PTPRQ: variants seen among roughly 807,000 people sequenced by gnomAD.
PTPRQ encodes the protein protein tyrosine phosphatase receptor type Q.
Under a neutral mutation model 246.0 loss-of-function variants are expected in PTPRQ, and 199 were observed. The observed-to-expected ratio is 0.81, with a 90% CI of 0.72 to 0.91. The LOEUF (loss-of-function observed/expected upper bound fraction) is 0.91, where lower values mean the gene tolerates loss of function less well. Among genes scored for constraint, PTPRQ ranks in the 40% least tolerant of loss-of-function variants. The pLI is 0.00. For missense variants in PTPRQ, 2,624 were observed against 2,528.4 expected, an observed-to-expected ratio of 1.04 and a Z score of -0.81; for synonymous variants, 869 against 853.2, an observed-to-expected ratio of 1.02 and a Z score of -0.32.
At chr12:80,537,597 A>T (rs1357903166) in intron 19 of PTPRQ, among the ~76,000 whole-genome samples, 1 of 152,232 alleles carries the variant, frequency 6.6e-6, no homozygotes, top group Middle Eastern at 3.2e-3. Flanking sequence ...CTTTTAGTAC[A>T]TAGTCATAAT....
intron 33 of PTPRQ, among the ~76,000 whole-genome samples, chr12:80,623,807 C>T (rs867839833): frequency 1.3e-5 from 2 of 152,178 alleles, no homozygotes; most frequent in South Asian, 4.1e-4. Flanking sequence ...AAAGTTGAGA[C>T]ATTCAGGGTA....
intron 25 of PTPRQ, among the ~76,000 whole-genome samples, chr12:80,570,771 AG>A (rs1897123434): frequency 6.6e-6 from 1 of 152,182 alleles, no homozygotes; most frequent in African/African-American, 2.4e-5. Flanking sequence ...ATAAGGTGTA[AG>A]GAAGGGGTCC....
In PTPRQ at chr12:80,593,646, T is replaced by A. The variant is rs551680535; in HGVS notation, c.4609+5194T>A. The A allele has an allele frequency of 5.1e-4, 77 of 152,266 alleles. 1 individual carries two copies. The highest frequency in any genetic ancestry group is 1.8e-3 in the African/African-American group (75 of 41,556). The allele number at this position is 152,266 out of a possible 1,614,324, so 9.4% of individuals were successfully genotyped here. ...GATACAAATATAAGCATAAAAATTTTAAAAAATGGCAGAAATATTTACCTT... is the reference window on the plus strand; with the variant it reads ...GATACAAATATAAGCATAAAAATTTAAAAAAATGGCAGAAATATTTACCTT... On this transcript the variant is annotated intron_variant, in intron 26 of 44. Coordinates refer to ENST00000644991, the MANE Select transcript of PTPRQ (RefSeq NM_001145026.2).
intron 35 of PTPRQ, among the ~76,000 whole-genome samples, chr12:80,647,942 G>C (rs1163026): frequency 0.1 from 15,794 of 151,912 alleles, 1,234 homozygotes; most frequent in African/African-American, 0.21. Flanking sequence ...GTAATACCTG[G>C]TCCAGCATCC....
At chr12:80,616,154 C>G in intron 29 of PTPRQ, 46 bp from the exon 30 acceptor site, 2 of 1,372,738 alleles carry the variant, frequency 1.5e-6, no homozygotes, top group Non-Finnish European at 1.9e-6. Context: ...CACACACATA[C>G]ATAAGCAATC....
At chr12:80,652,670 A>T (rs1900294110) in intron 37 of PTPRQ, 74 bp from the exon 38 acceptor site, 1 of 1,382,294 alleles carries the variant, frequency 7.2e-7, no homozygotes, top group East Asian at 2.9e-5. Flanking sequence ...TAGGACAAAT[A>T]ACTGTCTTTT....
rs557786646 is a variant in PTPRQ, at chr12:80,586,927, T to C, written c.4286-1202T>C. Among the ~76,000 whole-genome samples the C allele has an allele frequency of 7.2e-5, 11 of 152,288 alleles. 1 individual carries two copies. The South Asian group carries it at 2.1e-3, about 29-fold the overall frequency. The stretch of plus-strand genomic sequence containing the variant: ...GAATTATATGAGAAGATGTGTGTAG[T>C]TTATATGCAGATACTACACCATTTT... On this transcript the variant is annotated intron_variant, in intron 25 of 44. Transcript: ENST00000644991.
At chr12:80,461,783 T>A (rs915989993) in intron 6 of PTPRQ, among the ~76,000 whole-genome samples, 2 of 151,650 alleles carry the variant, frequency 1.3e-5, no homozygotes, top group South Asian at 2.1e-4. Flanking sequence ...CATATAAGTT[T>A]GAAGTTTTTT....
intron 25 of PTPRQ, among the ~76,000 whole-genome samples, chr12:80,556,619 C>T (rs1054715527): frequency 4.2e-4 from 64 of 152,134 alleles, no homozygotes; most frequent in Admixed American, 3.1e-3. Context: ...GAGAAAATGG[C>T]AATTGTACAT....
chr12:80,661,662 C>T (rs1198065960), intron 39 of PTPRQ, among the ~76,000 whole-genome samples: 1 of 151,500 alleles, frequency 6.6e-6, no homozygotes, highest in South Asian at 2.1e-4. Context: ...ATAAACTGCA[C>T]ATTTTACATT....
chr12:80,657,080 G>T (rs1311281959), intron 38 of PTPRQ, among the ~76,000 whole-genome samples: 1 of 151,778 alleles, frequency 6.6e-6, no homozygotes, highest in African/African-American at 2.4e-5. Flanking sequence ...AAAATTGATA[G>T]ACAAATTCAT....
At chr12:80,634,431 T>A (rs540643531) in intron 34 of PTPRQ, among the ~76,000 whole-genome samples, 3 of 152,198 alleles carry the variant, frequency 2.0e-5, no homozygotes, top group Non-Finnish European at 4.4e-5. Flanking sequence ...AGATAATATC[T>A]ACTCACAATA....
At chr12:80,650,739 G>A (rs889753402) in intron 37 of PTPRQ, among the ~76,000 whole-genome samples, 1 of 151,926 alleles carries the variant, frequency 6.6e-6, no homozygotes, top group African/African-American at 2.4e-5. Context: ...CAATTTTTCA[G>A]GAGCAAAAGT....
chr12:80,652,948 G>A, intron 38 of PTPRQ, 114 bp downstream of exon 38: 3 of 1,158,366 alleles, frequency 2.6e-6, no homozygotes, highest in Non-Finnish European at 2.2e-6. Context: ...TTATAATAAT[G>A]TATTTTATTG....
Position 80,496,542 on chromosome 12 carries a change from G to GA in PTPRQ, c.2272+11_2272+12insA, listed in dbSNP as rs1894630460. On this transcript the variant is annotated intron_variant, in intron 14 of 44. Transcript: ENST00000644991. ...GGACTTCGGAGACTGGTGAGCTTTT[G>GA]TTTTCTTTGTTTGTTTAATAATACA... 2.1e-6 allele frequency: 3 copies of GA among 1,424,902 alleles called. No homozygotes were observed. The highest frequency in any genetic ancestry group is 1.8e-4 in the Middle Eastern group (1 of 5,706). The allele number at this position is 1,424,902 out of a possible 1,614,324, so 88.3% of individuals were successfully genotyped here.
intron 25 of PTPRQ, among the ~76,000 whole-genome samples, chr12:80,569,931 C>T (rs569775170): frequency 0.013 from 2,020 of 152,188 alleles, 39 homozygotes; most frequent in African/African-American, 0.046. Context: ...TTTATGGCTG[C>T]GTAGTATTCC....
chr12:80,546,593 G>A lies in PTPRQ; in HGVS notation c.3911G>A (p.Gly1304Glu), dbSNP rs1258834025. Reference sequence around the variant, plus strand: ...TTTAAAACTGAAGCCAAACTTGTTGGACTGGAACCAGTCAGCACCTACTCT... The same window carrying A: ...TTTAAAACTGAAGCCAAACTTGTTGAACTGGAACCAGTCAGCACCTACTCT... ...SGFKTEAKLV[G>E]LEPVSTYSIR... Residue 1304 changes from glycine to glutamate, a missense_variant, in exon 24 of 45, where the codon GGA (glycine) becomes GAA (glutamate). Coordinates refer to ENST00000644991, the MANE Select transcript of PTPRQ (RefSeq NM_001145026.2). The A allele has an allele frequency of 1.3e-6, 2 of 1,549,554 alleles. No individual in the cohort carries two copies. The highest frequency in any genetic ancestry group is 1.7e-6 in the Non-Finnish European group (2 of 1,146,438).
In PTPRQ at chr12:80,616,390, C is replaced by G. The variant is rs553636266; in HGVS notation, c.5230+124C>G. 19 of 841,092 alleles carry G rather than the reference C, an allele frequency of 2.3e-5. No individual in the cohort carries two copies. In the African/African-American group the frequency reaches 2.7e-4, roughly 12 times the overall value. 52.1% of individuals were successfully genotyped at this position (841,092 alleles called of 1,614,324 possible). A position where few individuals can be genotyped will look rare whatever the true frequency, so the allele number is the denominator to read the frequency against. ...TAAATATGCATATATTAAGCACATA[C>G]TAAGTAAAAATGTGTGGTTATTAAA... is the stretch of plus-strand genomic sequence containing the variant. On this transcript the variant is annotated intron_variant, in intron 30 of 44. Coordinates refer to ENST00000644991, the MANE Select transcript of PTPRQ (RefSeq NM_001145026.2).
Position 80,560,016 on chromosome 12 carries a change from T to C in PTPRQ, c.4285+10282T>C, listed in dbSNP as rs537736011. ...CCAAAACAAGATTCAAGCAGCCACATGTGGACACCTCTTAAAAGAATTTGG... is the reference window on the plus strand; with the variant it reads ...CCAAAACAAGATTCAAGCAGCCACACGTGGACACCTCTTAAAAGAATTTGG... On this transcript the variant is annotated intron_variant, in intron 25 of 44. Transcript: ENST00000644991. Among the ~76,000 whole-genome samples the C allele has an allele frequency of 1.1e-4, 16 of 152,342 alleles. 1 individual carries two copies. Among genetic ancestry groups the C allele is most frequent in the Middle Eastern group, 6.8e-3 (2 of 294 alleles).
Sources: allele counts gnomAD v4.1 joint callset (sites outside exome capture counted in the v4.1 genomes callset), GRCh38; gene constraint gnomAD v4.1.1; transcripts MANE v1.5; gene names NCBI Gene and HGNC (gene_info 2026-07-23, HGNC 2026-07-21).